Variants in TNNI3 observed in about 807,000 individuals in gnomAD.
TNNI3 encodes troponin I3, cardiac type.
TNNI3 carries 23 observed loss-of-function variants against 31.5 expected under a neutral mutation model. That is an observed-to-expected ratio of 0.73 (90% confidence interval 0.52 to 1.03). The LOEUF (loss-of-function observed/expected upper bound fraction) is 1.03, where lower values mean the gene tolerates loss of function less well. TNNI3 is among the 50% of genes least tolerant of loss of function. The probability of loss-of-function intolerance (pLI) is 0.00; values close to 1 mark genes in which losing one functional copy is unlikely to be tolerated. For synonymous variants in TNNI3, 120 were observed against 111.7 expected (o/e 1.07, Z -0.47); for missense variants, 236 against 282.9 (o/e 0.83, Z 1.19).
Position 55,157,170 on chromosome 19 carries a change from G to C in TNNI3, c.25-37C>G. On this transcript the variant is annotated intron_variant, in intron 2 of 7. Coordinates refer to ENST00000344887, the MANE Select transcript of TNNI3 (RefSeq NM_000363.5). The surrounding 1 kb of genome is among the most constrained non-coding windows in gnomAD (Gnocchi z 6.3). ...GGAGTGGGGACCCCATCACCACCAA[G>C]ACCCCACCCAGCCCTTACCGTACCG... 3.1e-6 allele frequency: 5 copies of C among 1,590,154 alleles called. No homozygotes were observed. Among genetic ancestry groups the C allele is most frequent in the Non-Finnish European group, 4.3e-6 (5 of 1,169,574 alleles).
Position 55,157,336 on chromosome 19 carries a change from G to A in TNNI3, c.12-28C>T. Reference sequence around the variant, plus strand: ...GGAAGGAGAGAAACCAAGGAGGGGGGTTAGTGGTGGGCTGTGTCCTGTCTC... The same window carrying A: ...GGAAGGAGAGAAACCAAGGAGGGGGATTAGTGGTGGGCTGTGTCCTGTCTC... On this transcript the variant is annotated intron_variant, in intron 1 of 7. Coordinates refer to ENST00000344887, the MANE Select transcript of TNNI3 (RefSeq NM_000363.5). This position sits in a 1 kb window ranked among gnomAD's most constrained non-coding sequence, Gnocchi z 6.3. The A allele has an allele frequency of 1.9e-6, 3 of 1,600,840 alleles. No homozygotes were observed. Among genetic ancestry groups the A allele is most frequent in the Non-Finnish European group, 2.5e-6 (3 of 1,178,392 alleles).
rs753501923 is a variant in TNNI3 at position 55,157,347 on chromosome 19, G to A, written c.12-39C>T. The A allele has an allele frequency of 8.8e-6, 14 of 1,586,996 alleles. No homozygotes were observed. The highest frequency in any genetic ancestry group is 1.7e-4 in the Middle Eastern group (1 of 5,970). ...AACCAAGGAGGGGGGTTAGTGGTGG[G>A]CTGTGTCCTGTCTCCTAAGGGACCC... On this transcript the variant is annotated intron_variant, in intron 1 of 7. Transcript: ENST00000344887. This position sits in a 1 kb window ranked among gnomAD's most constrained non-coding sequence, Gnocchi z 6.3.
In TNNI3 at chr19:55,154,129, A is replaced by G; in HGVS notation, c.450T>C (p.Ser150=). The part of the protein sequence containing the change: ...KRPTLRRVRI[S]ADAMMQALLG... ...GCAGCGCCTGCATCATGGCATCTGCAGAGATCCTCACTCTCCGCAGGGTGG... is the reference window on the plus strand; with the variant it reads ...GCAGCGCCTGCATCATGGCATCTGCGGAGATCCTCACTCTCCGCAGGGTGG... The change falls in exon 7 of 8, where the codon TCT becomes TCC. Residue 150 remains serine (S), a synonymous_variant. Transcript: ENST00000344887. The G allele has an allele frequency of 1.9e-6, 3 of 1,613,424 alleles. No homozygotes were observed. Among genetic ancestry groups the G allele is most frequent in the South Asian group, 2.2e-5 (2 of 91,056 alleles).
chr19:55,157,519 A>C lies in TNNI3; in HGVS notation c.11+60T>G. The C allele has an allele frequency of 6.2e-7, 1 of 1,607,606 alleles. No homozygotes were observed. The highest frequency in any genetic ancestry group is 8.5e-7 in the Non-Finnish European group (1 of 1,175,706). On this transcript the variant is annotated intron_variant, in intron 1 of 7. Transcript: ENST00000344887. This position sits in a 1 kb window ranked among gnomAD's most constrained non-coding sequence, Gnocchi z 6.3. ...CCAAGGGTCCAGCCTCTCAGCTGCG[A>C]CCCCTCTTGGGAACCCGGGAGGTCG...
In TNNI3 at chr19:55,156,485, A is replaced by G. The variant is rs530264697; in HGVS notation, c.150+118T>C. ...CCGAGCAGTACTCCCCGCTAAAGCC[A>G]CGCCCCGAGCGGCCAAACCCCGCCC... On this transcript the variant is annotated intron_variant, in intron 4 of 7. Transcript: ENST00000344887. This position sits in a 1 kb window ranked among gnomAD's most constrained non-coding sequence, Gnocchi z 4.6. 9 of 1,508,064 alleles carry G rather than the reference A, an allele frequency of 6.0e-6. No homozygotes were observed. The Admixed American group carries it at 1.8e-4, about 30-fold the overall frequency. 93.4% of individuals were successfully genotyped at this position (1,508,064 alleles called of 1,614,324 possible).
chr19:55,157,548 C>G lies in TNNI3; in HGVS notation c.11+31G>C, dbSNP rs1391057539. The G allele has an allele frequency of 6.2e-7, 1 of 1,613,526 alleles. No homozygotes were observed. The highest frequency in any genetic ancestry group is 2.2e-5 in the East Asian group (1 of 44,860). On this transcript the variant is annotated intron_variant, in intron 1 of 7. Coordinates refer to ENST00000344887, the MANE Select transcript of TNNI3 (RefSeq NM_000363.5). The surrounding 1 kb of genome is among the most constrained non-coding windows in gnomAD (Gnocchi z 6.3). Reference sequence around the variant, plus strand: ...CTCTTGGGAACCCGGGAGGTCGCCCCCAACTCCCACTGCCTTGGGGCATCA... The same window carrying G: ...CTCTTGGGAACCCGGGAGGTCGCCCGCAACTCCCACTGCCTTGGGGCATCA...
At position 55,156,780 on chromosome 19, in the gene TNNI3, C is replaced by T. The variant is rs1429005982; in HGVS notation, c.109-136G>A. The T allele has an allele frequency of 2.0e-6, 2 of 993,452 alleles. No individual in the cohort carries two copies. The highest frequency in any genetic ancestry group is 2.6e-5 in the East Asian group (1 of 38,272). 61.5% of individuals were successfully genotyped at this position (993,452 alleles called of 1,614,324 possible). A position where few individuals can be genotyped will look rare whatever the true frequency, so the allele number is the denominator to read the frequency against. ...ACGTCCAACTTGAGCCCTGAGTCTA[C>T]GGGAGGCCACGCCCCTCATTCCCAT... On this transcript the variant is annotated intron_variant, in intron 3 of 7. Transcript: ENST00000344887. This position sits in a 1 kb window ranked among gnomAD's most constrained non-coding sequence, Gnocchi z 4.6.
chr19:55,156,150 T>C lies in TNNI3; in HGVS notation c.282+51A>G, dbSNP rs760645778. The stretch of plus-strand genomic sequence containing the variant: ...CCCGAGCAGAAGAGGGGATAGAGGC[T>C]GTACTGCTGAATTCCGGGACTAGAA... On this transcript the variant is annotated intron_variant, in intron 5 of 7. Transcript: ENST00000344887. This position sits in a 1 kb window ranked among gnomAD's most constrained non-coding sequence, Gnocchi z 4.6. 6 of 1,612,324 alleles carry C rather than the reference T, an allele frequency of 3.7e-6. No homozygotes were observed. The highest frequency in any genetic ancestry group is 1.3e-5 in the African/African-American group (1 of 74,826).
chr19:55,156,204 C>A lies in TNNI3; in HGVS notation c.279G>T (p.Leu93=). ...LELAGLGFAE[L]QDLCRQLHAR... Reference sequence around the variant, plus strand: ...TCGCATCCTTGGGAGCCGGTACCTGCAGCTCCGCGAAGCCCAGCCCGGCCA... The same window carrying A: ...TCGCATCCTTGGGAGCCGGTACCTGAAGCTCCGCGAAGCCCAGCCCGGCCA... Residue 93 remains leucine (L), a synonymous_variant, in exon 5 of 8, where the codon CTG becomes CTT. Coordinates refer to ENST00000344887, the MANE Select transcript of TNNI3 (RefSeq NM_000363.5). The surrounding 1 kb of genome is among the most constrained non-coding windows in gnomAD (Gnocchi z 4.6). The A allele has an allele frequency of 6.2e-7, 1 of 1,612,786 alleles. No homozygotes were observed. Among genetic ancestry groups the A allele is most frequent in the Non-Finnish European group, 8.5e-7 (1 of 1,179,840 alleles).
At chr19:55,153,956 C>T (rs1341002100) in intron 7 of TNNI3, 74 bp downstream of exon 7, 10 of 1,572,562 alleles carry the variant, frequency 6.4e-6, no homozygotes, top group Non-Finnish European at 8.7e-6. Flanking sequence ...ACCATCTGCC[C>T]TCAGGCCTAG....
At position 55,156,733 on chromosome 19, in the gene TNNI3, C is replaced by T. The variant is rs1192755524; in HGVS notation, c.109-89G>A. On this transcript the variant is annotated intron_variant, in intron 3 of 7. Coordinates refer to ENST00000344887, the MANE Select transcript of TNNI3 (RefSeq NM_000363.5). The surrounding 1 kb of genome is among the most constrained non-coding windows in gnomAD (Gnocchi z 4.6). The stretch of plus-strand genomic sequence containing the variant: ...GACCTCAAGACACCCCCAGCAAACC[C>T]AGCCGGTCCAGATTTGGGCCCACGT... 2 of 1,442,480 alleles carry T rather than the reference C, an allele frequency of 1.4e-6. No individual in the cohort carries two copies. The highest frequency in any genetic ancestry group is 1.4e-5 in the African/African-American group (1 of 70,492). The allele number at this position is 1,442,480 out of a possible 1,614,324, so 89.4% of individuals were successfully genotyped here.
At chr19:55,155,715 G>A (rs2085724475) in intron 5 of TNNI3, among the ~76,000 whole-genome samples, 1 of 89,416 alleles carries the variant, frequency 1.1e-5, no homozygotes, top group African/African-American at 5.1e-5. Context: ...GGAGGGGCTG[G>A]GGCCTGGACT....
rs1247962948 is a variant in TNNI3 at position 55,157,455 on chromosome 19, C to G, written c.11+124G>C. The G allele has an allele frequency of 2.5e-6, 4 of 1,573,410 alleles. No individual in the cohort carries two copies. Among genetic ancestry groups the G allele is most frequent in the Admixed American group, 3.4e-5 (2 of 58,946 alleles). ...AGGAGTCTGACTCGCAAACCCACTT[C>G]CTCTCTTCACCCAAGAGTCCCTACG... On this transcript the variant is annotated intron_variant, in intron 1 of 7. Coordinates refer to ENST00000344887, the MANE Select transcript of TNNI3 (RefSeq NM_000363.5). The surrounding 1 kb of genome is among the most constrained non-coding windows in gnomAD (Gnocchi z 6.3).
chr19:55,154,221 G>T lies in TNNI3; in HGVS notation c.373-15C>A, dbSNP rs192630178. ...AGATCTGCAATCTGGGGGCACACGA[G>T]GGGGTGGGTACTTCTCCTTCCATTT... On this transcript the variant is annotated splice_polypyrimidine_tract_variant and intron_variant, in intron 6 of 7. Transcript: ENST00000344887. The T allele has an allele frequency of 2.5e-6, 4 of 1,609,660 alleles. No homozygotes were observed. The highest frequency in any genetic ancestry group is 2.2e-5 in the South Asian group (2 of 91,042).
chr19:55,154,236 T>G, intron 6 of TNNI3, 30 bp from the exon 7 acceptor site: 2 of 1,603,672 alleles, frequency 1.2e-6, no homozygotes, highest in Non-Finnish European at 1.7e-6. Context: ...TGGGTACTTC[T>G]CCTTCCATTT....
chr19:55,157,503 C>A lies in TNNI3; in HGVS notation c.11+76G>T. The A allele has an allele frequency of 6.3e-7, 1 of 1,598,390 alleles. No homozygotes were observed. On this transcript the variant is annotated intron_variant, in intron 1 of 7. Coordinates refer to ENST00000344887, the MANE Select transcript of TNNI3 (RefSeq NM_000363.5). This position sits in a 1 kb window ranked among gnomAD's most constrained non-coding sequence, Gnocchi z 6.3. The stretch of plus-strand genomic sequence containing the variant: ...ACGCCTACCTCGCAGGCCAAGGGTC[C>A]AGCCTCTCAGCTGCGACCCCTCTTG...
intron 7 of TNNI3, among the ~76,000 whole-genome samples, chr19:55,153,302 G>C (rs933466641): frequency 2.0e-5 from 3 of 152,128 alleles, no homozygotes; most frequent in East Asian, 1.9e-4. Context: ...TCATAGGTAT[G>C]TATGTGTGTA....
chr19:55,154,224 G>A lies in TNNI3; in HGVS notation c.373-18C>T, dbSNP rs1033175543. On this transcript the variant is annotated intron_variant, in intron 6 of 7. Transcript: ENST00000344887. ...TCTGCAATCTGGGGGCACACGAGGG[G>A]GTGGGTACTTCTCCTTCCATTTCCC... 2 of 1,609,004 alleles carry A rather than the reference G, an allele frequency of 1.2e-6. No individual in the cohort carries two copies. Among genetic ancestry groups the A allele is most frequent in the East Asian group, 2.2e-5 (1 of 44,842 alleles).
rs1599909239 is a variant in TNNI3, at chr19:55,154,150, G to C, written c.429C>G (p.Thr143=). The change falls in exon 7 of 8, where the codon ACC becomes ACG. Residue 143 remains threonine, a synonymous_variant. Coordinates refer to ENST00000344887, the MANE Select transcript of TNNI3 (RefSeq NM_000363.5). The part of the protein sequence containing the change: ...FDLRGKFKRP[T]LRRVRISADA... The stretch of plus-strand genomic sequence containing the variant: ...CTGCAGAGATCCTCACTCTCCGCAG[G>C]GTGGGCCGCTTAAACTTGCCTCGAA... 1.2e-6 allele frequency: 2 copies of C among 1,613,020 alleles called. No individual in the cohort carries two copies. The highest frequency in any genetic ancestry group is 1.7e-6 in the Non-Finnish European group (2 of 1,180,008).
Sources: allele counts gnomAD v4.1 joint callset (sites outside exome capture counted in the v4.1 genomes callset), GRCh38; gene constraint gnomAD v4.1.1; non-coding constraint Gnocchi (gnomAD v3.1); transcripts MANE v1.5; gene names NCBI Gene and HGNC (gene_info 2026-07-23, HGNC 2026-07-21).